COTL1: variants seen among roughly 807,000 people sequenced by gnomAD.
COTL1 encodes the protein coactosin-like protein.
Under a neutral mutation model 16.5 loss-of-function variants are expected in COTL1, and 15 were observed. The observed-to-expected ratio is 0.91, with a 90% CI of 0.61 to 1.40. The LOEUF is 1.40. Among genes scored for constraint, COTL1 ranks in the 40% most tolerant of loss-of-function variants. The probability of loss-of-function intolerance (pLI) is 0.00; values close to 1 mark genes in which losing one functional copy is unlikely to be tolerated. For missense variants in COTL1, 220 were observed against 201.5 expected (o/e 1.09, Z -0.56); for synonymous variants, 112 against 85.3 (o/e 1.31, Z -1.73).
chr16:84,610,767 G>C (rs1250281486), intron 2 of COTL1, among the ~76,000 whole-genome samples: 1 of 152,088 alleles, frequency 6.6e-6, no homozygotes, highest in Non-Finnish European at 1.5e-5. Context: ...TCTCTGTGGT[G>C]TTTTGGGTTA....
chr16:84,578,892 C>A (rs1425285267), intron 3 of COTL1, among the ~76,000 whole-genome samples: 1 of 151,998 alleles, frequency 6.6e-6, no homozygotes, highest in Non-Finnish European at 1.5e-5. Flanking sequence ...CACACAGACG[C>A]ATGCACACAC....
chr16:84,585,754 T>C (rs1467596355), intron 3 of COTL1, among the ~76,000 whole-genome samples: 1 of 152,166 alleles, frequency 6.6e-6, no homozygotes, highest in Non-Finnish European at 1.5e-5. Context: ...CTTTGTCACC[T>C]AAATGGCTAT....
At chr16:84,582,321 T>C (rs1267633809) in intron 3 of COTL1, among the ~76,000 whole-genome samples, 1 of 152,134 alleles carries the variant, frequency 6.6e-6, no homozygotes, top group African/African-American at 2.4e-5. Context: ...AAAATTATGT[T>C]AAAACAGAGA....
In COTL1 at chr16:84,567,009, G is replaced by A. The variant is rs1185214434; in HGVS notation, c.319-54C>T. 32 of 1,313,044 alleles carry A rather than the reference G, an allele frequency of 2.4e-5. No individual in the cohort carries two copies. In the South Asian group the frequency reaches 3.2e-4, roughly 13 times the overall value. The allele number at this position is 1,313,044 out of a possible 1,614,324, so 81.3% of individuals were successfully genotyped here. ...CCTATTAAGAAGGAAGGCACAGGATGTGAGGGTGGCTCAGGCAACACACTG... is the reference window on the plus strand; with the variant it reads ...CCTATTAAGAAGGAAGGCACAGGATATGAGGGTGGCTCAGGCAACACACTG... On this transcript the variant is annotated intron_variant, in intron 3 of 3. Transcript: ENST00000262428.
intron 2 of COTL1, among the ~76,000 whole-genome samples, chr16:84,593,469 C>T (rs1275767591): frequency 7.7e-6 from 1 of 130,626 alleles, no homozygotes; most frequent in African/African-American, 3.0e-5. Flanking sequence ...ACGTTCTTTT[C>T]TTTATTGAGA....
chr16:84,602,465 T>C (rs1905121520), intron 2 of COTL1, among the ~76,000 whole-genome samples: 1 of 151,908 alleles, frequency 6.6e-6, no homozygotes, highest in Non-Finnish European at 1.5e-5. Context: ...AAGTGTGACT[T>C]CCACCCCCAG....
chr16:84,580,267 T>G (rs937885894), intron 3 of COTL1, among the ~76,000 whole-genome samples: 1 of 152,192 alleles, frequency 6.6e-6, no homozygotes, highest in Non-Finnish European at 1.5e-5. Context: ...AGACTTGTTT[T>G]TGAGACAAGG....
At chr16:84,601,068 T>C (rs1243444162) in intron 2 of COTL1, among the ~76,000 whole-genome samples, 1 of 152,160 alleles carries the variant, frequency 6.6e-6, no homozygotes, top group Non-Finnish European at 1.5e-5. Context: ...ACAGTATCTA[T>C]AGCATCTATA....
At chr16:84,615,409 G>C (rs549624423) in intron 2 of COTL1, among the ~76,000 whole-genome samples, 2 of 152,270 alleles carry the variant, frequency 1.3e-5, no homozygotes, top group South Asian at 4.1e-4. Context: ...AGTGGGCTGA[G>C]GCCTGGGAGC....
At chr16:84,613,054 A>G (rs112857010) in intron 2 of COTL1, among the ~76,000 whole-genome samples, 4,068 of 149,884 alleles carry the variant, frequency 0.027, 182 homozygotes, top group African/African-American at 0.096. Context: ...AGGCTAGAGT[A>G]CAACAGCGCG....
intron 2 of COTL1, among the ~76,000 whole-genome samples, chr16:84,612,038 A>G (rs1008218350): frequency 2.0e-5 from 3 of 151,470 alleles, no homozygotes; most frequent in African/African-American, 7.3e-5. Context: ...CCTTCCCATC[A>G]TCTCTCCCCC....
chr16:84,590,244 G>A lies in COTL1; in HGVS notation c.179C>T (p.Ala60Val). ...ATCCCCGGTGGTGAAGCGCACGAAGGCAAACAACCGGACGTCATCTGTGGC... is the reference window on the plus strand; with the variant it reads ...ATCCCCGGTGGTGAAGCGCACGAAGACAAACAACCGGACGTCATCTGTGGC... ...QQCTDDVRLF[A>V]FVRFTTGDAM... is the part of the protein sequence containing the mutation. The change falls in exon 3 of 4, where the codon GCC becomes GTC. Residue 60 changes from alanine (A) to valine (V), a missense_variant. Coordinates refer to ENST00000262428, the MANE Select transcript of COTL1 (RefSeq NM_021149.5). This position sits in a 1 kb window ranked among gnomAD's most constrained non-coding sequence, Gnocchi z 5.5. 1 of 1,614,080 alleles carries A rather than the reference G, an allele frequency of 6.2e-7. No homozygotes were observed. The highest frequency in any genetic ancestry group is 8.5e-7 in the Non-Finnish European group (1 of 1,179,948).
At chr16:84,575,034 C>CATTT (rs1476656941) in intron 3 of COTL1, among the ~76,000 whole-genome samples, 1 of 152,096 alleles carries the variant, frequency 6.6e-6, no homozygotes, top group Non-Finnish European at 1.5e-5. Context: ...ATTCTTTTCT[C>CATTT]ATTTATTTAT....
intron 3 of COTL1, among the ~76,000 whole-genome samples, chr16:84,588,221 A>AAATAATAATAAT (rs57708132): frequency 1.4e-3 from 208 of 150,346 alleles, no homozygotes; most frequent in African/African-American, 4.8e-3. Context: ...TCTCTCTTAA[A>AAATAATAATAAT]AATAATAATA....
chr16:84,587,488 C>T (rs1186162712), intron 3 of COTL1, among the ~76,000 whole-genome samples: 1 of 152,138 alleles, frequency 6.6e-6, no homozygotes, highest in Non-Finnish European at 1.5e-5. Flanking sequence ...TTGGAAGCAA[C>T]TTAAGAGGCC....
chr16:84,613,002 CTTTCTT>C (rs1905370164), intron 2 of COTL1, among the ~76,000 whole-genome samples: 1 of 130,456 alleles, frequency 7.7e-6, no homozygotes, highest in Admixed American at 8.5e-5. Context: ...TTCTTTCTTT[CTTTCTT>C]TTTTTTTTTT....
intron 2 of COTL1, among the ~76,000 whole-genome samples, chr16:84,598,653 C>T (rs933055609): frequency 4.5e-5 from 2 of 44,610 alleles, no homozygotes; most frequent in Non-Finnish European, 1.3e-4. Context: ...CCTTCTCCCC[C>T]CCAACCCCCC....
At chr16:84,572,914 G>A (rs533054106) in intron 3 of COTL1, among the ~76,000 whole-genome samples, 3,172 of 123,830 alleles carry the variant, frequency 0.026, 49 homozygotes, top group Middle Eastern at 0.046. Context: ...CACCATGCCC[G>A]ACTAATTTTT....
chr16:84,612,536 A>G (rs866637639), intron 2 of COTL1, among the ~76,000 whole-genome samples: 2 of 151,534 alleles, frequency 1.3e-5, no homozygotes, highest in Non-Finnish European at 1.5e-5. Context: ...TAATCCCAGC[A>G]TTTTGGGAGG....
Sources: allele counts gnomAD v4.1 joint callset (sites outside exome capture counted in the v4.1 genomes callset), GRCh38; gene constraint gnomAD v4.1.1; non-coding constraint Gnocchi (gnomAD v3.1); transcripts MANE v1.5; gene names NCBI Gene and HGNC (gene_info 2026-07-23, HGNC 2026-07-21).